The following SCN9A variants were observed in gnomAD, a reference collection of about 807,000 sequenced individuals.
SCN9A encodes the protein sodium channel protein type 9 subunit alpha.
SCN9A carries 131 observed loss-of-function variants against 187.0 expected under a neutral mutation model. The ratio of observed to expected loss-of-function variants is 0.70; its 90% CI spans 0.61 to 0.81. SCN9A has a LOEUF of 0.81. Among genes scored for constraint, SCN9A ranks in the 30% least tolerant of loss-of-function variants. SCN9A has a pLI of 0.00. For missense variants in SCN9A, 2,252 were observed against 2,396.6 expected (o/e 0.94, Z 1.26); for synonymous variants, 809 against 808.6 (o/e 1.00, Z -0.01).
chr2:166,266,188 T>C (rs893640561), intron 17 of SCN9A, among the ~76,000 whole-genome samples: 3 of 151,956 alleles, frequency 2.0e-5, no homozygotes, highest in Admixed American at 2.0e-4. Flanking sequence ...CTCTAATAGT[T>C]GTGTAGTTTT....
intron 1 of SCN9A, among the ~76,000 whole-genome samples, chr2:166,369,642 C>T (rs941730353): frequency 6.6e-6 from 1 of 152,126 alleles, no homozygotes; most frequent in African/African-American, 2.4e-5. Context: ...AGATCATTTA[C>T]AAAGATTGGT....
intron 16 of SCN9A, among the ~76,000 whole-genome samples, chr2:166,273,499 T>TAATG: frequency 6.6e-6 from 1 of 152,268 alleles, no homozygotes; most frequent in East Asian, 1.9e-4. Flanking sequence ...TCACATGCAA[T>TAATG]AATGGCATTA....
chr2:166,318,366 G>A (rs1699159180), intron 1 of SCN9A, among the ~76,000 whole-genome samples: 1 of 151,912 alleles, frequency 6.6e-6, no homozygotes, highest in South Asian at 2.1e-4. Flanking sequence ...TGCAAACCTG[G>A]CCAACACCAA....
chr2:166,279,563 G>C (rs1369461912), intron 14 of SCN9A, among the ~76,000 whole-genome samples: 1 of 152,092 alleles, frequency 6.6e-6, no homozygotes, highest in Admixed American at 6.6e-5. Context: ...ATATCTTCCA[G>C]AAGTCTGTTG....
At chr2:166,239,221 T>TAAAAAAAAAAAAAAAAAAAA (rs1558974298) in intron 19 of SCN9A, among the ~76,000 whole-genome samples, 1 of 130,082 alleles carries the variant, frequency 7.7e-6, no homozygotes. Context: ...AGACTCTGTC[T>TAAAAAAAAAAAAAAAAAAAA]CAAAAAAAAA....
chr2:166,273,468 G>C (rs554938718), intron 16 of SCN9A, among the ~76,000 whole-genome samples: 1 of 152,028 alleles, frequency 6.6e-6, no homozygotes, highest in East Asian at 1.9e-4. Context: ...CACAGAAAAG[G>C]ACCTGCCCCT....
intron 1 of SCN9A, among the ~76,000 whole-genome samples, chr2:166,350,219 C>T (rs994886485): frequency 6.6e-6 from 1 of 152,116 alleles, no homozygotes; most frequent in African/African-American, 2.4e-5. Flanking sequence ...GGATAATTTA[C>T]CAGTAATTCA....
chr2:166,370,557 T>TA (rs564833136), intron 1 of SCN9A, among the ~76,000 whole-genome samples: 82 of 138,402 alleles, frequency 5.9e-4, no homozygotes, highest in Middle Eastern at 3.7e-3. Context: ...AAATAAAAAA[T>TA]AAAAAAAAAA....
chr2:166,221,530 A>T (rs1162318696), intron 24 of SCN9A, among the ~76,000 whole-genome samples: 1 of 152,106 alleles, frequency 6.6e-6, no homozygotes, highest in Non-Finnish European at 1.5e-5. Context: ...GCTCCTAAGT[A>T]GCTAGGACTA....
Position 166,286,542 on chromosome 2 carries a change from A to G in SCN9A, c.1396T>C (p.Ser466Pro). The G allele has an allele frequency of 6.2e-7, 1 of 1,610,134 alleles. No homozygotes were observed. Among genetic ancestry groups the G allele is most frequent in the Non-Finnish European group, 8.5e-7 (1 of 1,178,756 alleles). The change falls in exon 11 of 27, where the codon TCC becomes CCC. Residue 466 changes from serine (S) to proline (P), a missense_variant. This residue lies in a region of SCN9A where 1,013 missense variants were observed against 997.4 expected (regional missense o/e 1.02). Transcript: ENST00000642356. Reference protein sequence around the residue: ...MGLSESSSETSKLSSKSAKER... With the variant: ...MGLSESSSETPKLSSKSAKER... ...TTAGCACTTTTAGAGCTCAGTTTGG[A>G]TGTTTCAGAAGAACTCTCTGAGAGG...
intron 24 of SCN9A, among the ~76,000 whole-genome samples, chr2:166,209,997 C>T (rs146005702): frequency 0.024 from 3,591 of 152,174 alleles, 423 homozygotes; most frequent in Admixed American, 0.2. Flanking sequence ...GCTATAAAGA[C>T]GCATGCACAC....
chr2:166,359,582 A>T (rs1427301540), intron 1 of SCN9A, among the ~76,000 whole-genome samples: 1 of 152,090 alleles, frequency 6.6e-6, no homozygotes, highest in Non-Finnish European at 1.5e-5. Flanking sequence ...TTCTTAAAAT[A>T]ATTATTATTT....
At chr2:166,218,952 A>T (rs1257576768) in intron 24 of SCN9A, among the ~76,000 whole-genome samples, 1 of 152,202 alleles carries the variant, frequency 6.6e-6, no homozygotes, top group Non-Finnish European at 1.5e-5. Context: ...GCAACAAACA[A>T]GCATATGAAA....
chr2:166,256,923 G>C (rs1292976934), intron 17 of SCN9A, among the ~76,000 whole-genome samples: 1 of 151,600 alleles, frequency 6.6e-6, no homozygotes, highest in African/African-American at 2.4e-5. Flanking sequence ...GTGACTAAAT[G>C]ATAAGATATG....
chr2:166,349,257 A>G (rs1699976739), intron 1 of SCN9A, among the ~76,000 whole-genome samples: 1 of 152,214 alleles, frequency 6.6e-6, no homozygotes, highest in Non-Finnish European at 1.5e-5. Flanking sequence ...GGGTACATAG[A>G]AGGTAATCAA....
At chr2:166,324,916 A>G (rs540589456) in intron 1 of SCN9A, among the ~76,000 whole-genome samples, 1 of 152,306 alleles carries the variant, frequency 6.6e-6, no homozygotes, top group East Asian at 1.9e-4. Context: ...TGAAAGAGAA[A>G]AAGGAAATTA....
chr2:166,349,154 CAA>C (rs1468579117), intron 1 of SCN9A, among the ~76,000 whole-genome samples: 1 of 133,556 alleles, frequency 7.5e-6, no homozygotes, highest in Non-Finnish European at 1.6e-5. Flanking sequence ...AACAAACAAA[CAA>C]AAAACTCCTC....
chr2:166,255,178 A>G (rs1696215158), intron 17 of SCN9A, among the ~76,000 whole-genome samples: 1 of 151,476 alleles, frequency 6.6e-6, no homozygotes, highest in East Asian at 1.9e-4. Context: ...GTGCATCCAT[A>G]CAACACTATA....
intron 24 of SCN9A, among the ~76,000 whole-genome samples, chr2:166,220,272 T>C (rs750442463): frequency 6.6e-6 from 1 of 152,216 alleles, no homozygotes; most frequent in Admixed American, 6.5e-5. Flanking sequence ...TAGAAGTTGC[T>C]ATAACTTGAA....
Sources: allele counts gnomAD v4.1 joint callset (sites outside exome capture counted in the v4.1 genomes callset), GRCh38; gene constraint gnomAD v4.1.1; regional missense constraint gnomAD v4.1.1; transcripts MANE v1.5; gene names NCBI Gene and HGNC (gene_info 2026-07-23, HGNC 2026-07-21).